Variants in TENM3 observed in about 807,000 individuals in gnomAD.
The protein encoded by TENM3 is teneurin-3.
TENM3 carries 63 observed loss-of-function variants against 255.1 expected under a neutral mutation model. The ratio of observed to expected loss-of-function variants is 0.25; its 90% CI spans 0.20 to 0.30. TENM3 has a LOEUF of 0.30. Among genes scored for constraint, TENM3 ranks in the 10% least tolerant of loss-of-function variants. TENM3 has a pLI of 1.00. For missense variants in TENM3, 2,929 were observed against 3,461.1 expected (o/e 0.85, Z 3.86); for synonymous variants, 1,306 against 1,322.3 (o/e 0.99, Z 0.27).
At chr4:181,988,998 A>T in the TENM3 span, among the ~76,000 whole-genome samples, 1 of 152,060 alleles carries the variant, frequency 6.6e-6, no homozygotes, top group Admixed American at 6.6e-5. Context: ...ACCCTCTTTT[A>T]TAAGCTTCTT....
At chr4:181,754,864 C>T in the TENM3 span, among the ~76,000 whole-genome samples, 3 of 152,124 alleles carry the variant, frequency 2.0e-5, no homozygotes, top group African/African-American at 7.2e-5. Context: ...TAACATGCAA[C>T]CCCCAGAATA....
chr4:181,847,349 T>C, the TENM3 span, among the ~76,000 whole-genome samples: 1 of 152,208 alleles, frequency 6.6e-6, no homozygotes, highest in African/African-American at 2.4e-5. Flanking sequence ...AAAATAGACA[T>C]GGTGCCATAA....
intron 1 of TENM3, among the ~76,000 whole-genome samples, chr4:182,254,972 T>C (rs1309614249): frequency 6.6e-6 from 1 of 152,206 alleles, no homozygotes; most frequent in Non-Finnish European, 1.5e-5. Flanking sequence ...TATATTTAAA[T>C]ATGTCTGGGG....
intron 16 of TENM3, among the ~76,000 whole-genome samples, chr4:182,733,793 A>G (rs1452223726): frequency 6.6e-6 from 1 of 152,204 alleles, no homozygotes; most frequent in South Asian, 2.1e-4. Flanking sequence ...ACCTCAATCA[A>G]TTTAATACTT....
At chr4:181,495,374 T>G in the TENM3 span, among the ~76,000 whole-genome samples, 1 of 152,202 alleles carries the variant, frequency 6.6e-6, no homozygotes, top group South Asian at 2.1e-4. Flanking sequence ...TTTGCCTGTA[T>G]GCAGAAATGA....
chr4:182,258,934 T>G lies in TENM3; in HGVS notation c.-76+15458T>G, dbSNP rs534336138. 2.3e-4 allele frequency among the ~76,000 whole-genome samples: 35 copies of G among 152,368 alleles called. No homozygotes were observed. In the East Asian group the frequency reaches 4.6e-3, roughly 20 times the overall value. On this transcript the variant is annotated intron_variant, in intron 1 of 27. Coordinates refer to ENST00000511685, the MANE Select transcript of TENM3 (RefSeq NM_001080477.4). ...AAACACTTCCATTTGTACTGAAAAC[T>G]CTGGCTATTTTTGGAGTGCTGTGCT...
rs539744187 is a variant in TENM3 at position 182,607,462 on chromosome 4, T to C, written c.749+6301T>C. On this transcript the variant is annotated intron_variant, in intron 4 of 27. Coordinates refer to ENST00000511685, the MANE Select transcript of TENM3 (RefSeq NM_001080477.4). ...GAGAAGAAAAAAAATCTTCAAATAATAATGAAAGGCAACTATTCATATCCT... is the reference window on the plus strand; with the variant it reads ...GAGAAGAAAAAAAATCTTCAAATAACAATGAAAGGCAACTATTCATATCCT... 6.6e-5 allele frequency among the ~76,000 whole-genome samples: 10 copies of C among 152,328 alleles called. No individual in the cohort carries two copies. The South Asian group carries it at 1.7e-3, about 25-fold the overall frequency.
chr4:182,046,611 A>C, the TENM3 span, among the ~76,000 whole-genome samples: 53,557 of 151,178 alleles, frequency 0.35, 10,400 homozygotes, highest in African/African-American at 0.52. Flanking sequence ...GCTGCTATAG[A>C]CCTAGATACT....
At chr4:182,461,629 A>G (rs779496261) in intron 3 of TENM3, among the ~76,000 whole-genome samples, 15 of 152,216 alleles carry the variant, frequency 9.9e-5, no homozygotes, top group Non-Finnish European at 1.6e-4. Context: ...TAATAGAAGT[A>G]GAGAAACCCA....
At chr4:182,721,564 A>C (rs1759735404) in intron 13 of TENM3, among the ~76,000 whole-genome samples, 1 of 152,146 alleles carries the variant, frequency 6.6e-6, no homozygotes, top group South Asian at 2.1e-4. Flanking sequence ...GTGTATCTGC[A>C]TATGAATCTT....
At chr4:182,056,342 G>T in the TENM3 span, among the ~76,000 whole-genome samples, 6 of 152,252 alleles carry the variant, frequency 3.9e-5, no homozygotes, top group East Asian at 1.2e-3. Context: ...TGTCCAGTAA[G>T]AAATACGTTT....
intron 1 of TENM3, among the ~76,000 whole-genome samples, chr4:182,219,015 G>C (rs987344234): frequency 6.6e-6 from 1 of 152,216 alleles, no homozygotes; most frequent in African/African-American, 2.4e-5. Flanking sequence ...CTGAGGTCAG[G>C]AGCTGGAGAC....
the TENM3 span, among the ~76,000 whole-genome samples, chr4:181,908,664 C>T: frequency 1.2e-4 from 18 of 152,192 alleles, no homozygotes; most frequent in South Asian, 2.1e-3. Flanking sequence ...CAAAATTAAA[C>T]CTGTCATTAT....
In TENM3 at chr4:182,731,070, T is replaced by A; in HGVS notation, c.2898T>A (p.Ile966=). The change falls in exon 16 of 28, where the codon ATT becomes ATA. Residue 966 remains isoleucine (I), a synonymous_variant. Coordinates refer to ENST00000511685, the MANE Select transcript of TENM3 (RefSeq NM_001080477.4). ...GATTCGTGAGGCCAAATCCCATCAT[T>A]GTGTCATCACCTTTATCCACCTTTT... The part of the protein sequence containing the change: ...LSGFVRPNPI[I]VSSPLSTFFR... 1.2e-6 allele frequency: 2 copies of A among 1,613,936 alleles called. No homozygotes were observed. The highest frequency in any genetic ancestry group is 1.3e-5 in the African/African-American group (1 of 75,046).
intron 1 of TENM3, among the ~76,000 whole-genome samples, chr4:182,211,577 C>G (rs1395359129): frequency 6.6e-6 from 1 of 152,126 alleles, no homozygotes; most frequent in African/African-American, 2.4e-5. Context: ...GTAGGCTGTT[C>G]AGAAATCAAA....
At chr4:181,685,249 G>T in the TENM3 span, among the ~76,000 whole-genome samples, 1 of 152,024 alleles carries the variant, frequency 6.6e-6, no homozygotes, top group African/African-American at 2.4e-5. Context: ...TGCTCATTTA[G>T]TCCTAATGTT....
At chr4:182,262,903 C>CG (rs1369761895) in intron 1 of TENM3, among the ~76,000 whole-genome samples, 22 of 151,942 alleles carry the variant, frequency 1.4e-4, no homozygotes, top group African/African-American at 5.3e-4. Context: ...TTAGTAGAGA[C>CG]GGGGTTTCAC....
chr4:181,852,177 G>C, the TENM3 span, among the ~76,000 whole-genome samples: 1 of 152,182 alleles, frequency 6.6e-6, no homozygotes, highest in Non-Finnish European at 1.5e-5. Context: ...TAGCGAATGG[G>C]AGTACTAAAT....
intron 1 of TENM3, among the ~76,000 whole-genome samples, chr4:182,314,109 G>A (rs1762605356): frequency 6.6e-6 from 1 of 152,108 alleles, no homozygotes; most frequent in African/African-American, 2.4e-5. Flanking sequence ...TCAGGAGATC[G>A]AGACCATGAT....
Sources: allele counts gnomAD v4.1 joint callset (sites outside exome capture counted in the v4.1 genomes callset), GRCh38; gene constraint gnomAD v4.1.1; transcripts MANE v1.5; gene names NCBI Gene and HGNC (gene_info 2026-07-23, HGNC 2026-07-21).